BCL2: variants seen among roughly 807,000 people sequenced by gnomAD.
BCL2 encodes BCL2 apoptosis regulator.
Under a neutral mutation model 14.2 loss-of-function variants are expected in BCL2, and 1 was observed. The ratio of observed to expected loss-of-function variants is 0.07; its 90% CI spans 0.02 to 0.33. The LOEUF (loss-of-function observed/expected upper bound fraction) is 0.33, where lower values mean the gene tolerates loss of function less well. BCL2 is among the 10% of genes least tolerant of loss of function. The probability of loss-of-function intolerance (pLI) is 0.99; values close to 1 mark genes in which losing one functional copy is unlikely to be tolerated. For synonymous variants in BCL2, 151 were observed against 137.2 expected (o/e 1.10, Z -0.70); for missense variants, 247 against 305.9 (o/e 0.81, Z 1.44).
chr18:63,300,087 A>C (rs1290315793), intron 2 of BCL2, among the ~76,000 whole-genome samples: 1 of 152,250 alleles, frequency 6.6e-6, no homozygotes, highest in African/African-American at 2.4e-5. Flanking sequence ...GAGGCTGCAA[A>C]GCAGCTCCTC....
chr18:63,250,560 C>T (rs1357028634), intron 2 of BCL2, among the ~76,000 whole-genome samples: 1 of 152,144 alleles, frequency 6.6e-6, no homozygotes, highest in Non-Finnish European at 1.5e-5. Flanking sequence ...TATTCAAAGC[C>T]GTTGGAGTCT....
In BCL2 at chr18:63,149,271, G is replaced by A. The variant is rs1318826760; in HGVS notation, c.586-20512C>T. On this transcript the variant is annotated intron_variant, in intron 2 of 2. Transcript: ENST00000333681. This position sits in a 1 kb window ranked among gnomAD's most constrained non-coding sequence, Gnocchi z 4.2. ...TCATCAGGCATTCGGTTCCCATAAGGAGCACACAACCTAGATCCCTTGTGG... is the reference window on the plus strand; with the variant it reads ...TCATCAGGCATTCGGTTCCCATAAGAAGCACACAACCTAGATCCCTTGTGG... 1.3e-5 allele frequency among the ~76,000 whole-genome samples: 2 copies of A among 152,168 alleles called. No homozygotes were observed. Among genetic ancestry groups the A allele is most frequent in the Non-Finnish European group, 2.9e-5 (2 of 68,030 alleles).
chr18:63,184,851 C>T (rs1915555720), intron 2 of BCL2, among the ~76,000 whole-genome samples: 1 of 152,174 alleles, frequency 6.6e-6, no homozygotes, highest in Non-Finnish European at 1.5e-5. Flanking sequence ...TCTTGAATTT[C>T]TACCCTTCTT....
intron 2 of BCL2, among the ~76,000 whole-genome samples, chr18:63,182,845 T>C (rs908018825): frequency 6.6e-6 from 1 of 152,210 alleles, no homozygotes; most frequent in Non-Finnish European, 1.5e-5. Flanking sequence ...ACCTGGGGTA[T>C]TTGCCTGAAG....
At chr18:63,181,041 A>G (rs1431080567) in intron 2 of BCL2, among the ~76,000 whole-genome samples, 2 of 152,228 alleles carry the variant, frequency 1.3e-5, no homozygotes, top group Admixed American at 1.3e-4. Context: ...ATGCACTCTC[A>G]TGGCTCACGA....
intron 2 of BCL2, among the ~76,000 whole-genome samples, chr18:63,212,029 T>C (rs954284322): frequency 1.3e-5 from 2 of 152,172 alleles, no homozygotes; most frequent in Non-Finnish European, 2.9e-5. Context: ...CATGTGGCCC[T>C]AAAAATACTC....
intron 2 of BCL2, among the ~76,000 whole-genome samples, chr18:63,176,299 C>T (rs1428024459): frequency 1.3e-5 from 2 of 152,228 alleles, no homozygotes; most frequent in Admixed American, 6.5e-5. Context: ...TCCTTTCTGA[C>T]ACTAGAGACC....
At position 63,250,122 on chromosome 18, in the gene BCL2, ACT is replaced by A. The variant is rs549879965; in HGVS notation, c.585+67958_585+67959del. 4.6e-5 allele frequency among the ~76,000 whole-genome samples: 7 copies of A among 152,274 alleles called. No homozygotes were observed. In the East Asian group the frequency reaches 7.7e-4, roughly 17 times the overall value. ...ACATATACTCCTGCTAGTGTATTAT[ACT>A]CTCTCTCGACAAGGAGGCCCTCAAT... On this transcript the variant is annotated intron_variant, in intron 2 of 2. Coordinates refer to ENST00000333681, the MANE Select transcript of BCL2 (RefSeq NM_000633.3).
At chr18:63,313,944 A>G (rs1399914579) in intron 2 of BCL2, 1 of 152,230 alleles carries the variant, frequency 6.6e-6, no homozygotes, top group East Asian at 1.9e-4. Context: ...ATTAGAAAGT[A>G]CAGCTGAAAG....
intron 2 of BCL2, among the ~76,000 whole-genome samples, chr18:63,306,998 C>G (rs1175907293): frequency 6.6e-6 from 1 of 152,140 alleles, no homozygotes; most frequent in Non-Finnish European, 1.5e-5. Flanking sequence ...GCTCTCACTT[C>G]CCACTTCCCC....
At chr18:63,198,485 C>T (rs1909528157) in intron 2 of BCL2, among the ~76,000 whole-genome samples, 1 of 147,672 alleles carries the variant, frequency 6.8e-6, no homozygotes. Context: ...CTGACAGAGA[C>T]ACACACAGAC....
At chr18:63,145,319 T>C (rs1184946372) in intron 2 of BCL2, among the ~76,000 whole-genome samples, 1 of 152,120 alleles carries the variant, frequency 6.6e-6, no homozygotes, top group Admixed American at 6.5e-5. Flanking sequence ...GGACAGAGCA[T>C]AAGCCCTCAA....
chr18:63,254,383 T>TTA (rs1218382855), intron 2 of BCL2, among the ~76,000 whole-genome samples: 1 of 38,414 alleles, frequency 2.6e-5, no homozygotes, highest in East Asian at 9.5e-4. Flanking sequence ...CTGTCTTTGC[T>TTA]AAAAAAAAAA....
In BCL2 at chr18:63,128,358, T is replaced by C. The variant is rs754709154; in HGVS notation, c.*267A>G. The C allele has an allele frequency of 5.9e-6, 2 of 337,548 alleles. No individual in the cohort carries two copies. Among genetic ancestry groups the C allele is most frequent in the Non-Finnish European group, 1.1e-5 (2 of 183,306 alleles). 20.9% of individuals were successfully genotyped at this position (337,548 alleles called of 1,614,324 possible). On this transcript the variant is annotated 3_prime_UTR_variant, in exon 3 of 3. Transcript: ENST00000333681. The stretch of plus-strand genomic sequence containing the variant: ...AAAGACAGGAGTTTTGATGGGACTG[T>C]CTTAAATAAATAAATCTTTTTTTCT...
intron 2 of BCL2, among the ~76,000 whole-genome samples, chr18:63,193,056 C>T (rs138504087): frequency 4.9e-4 from 74 of 152,254 alleles, no homozygotes; most frequent in South Asian, 3.5e-3. Flanking sequence ...CAAAGTCAAC[C>T]GCTGAGTTCT....
chr18:63,183,197 A>G (rs1391213259), intron 2 of BCL2, among the ~76,000 whole-genome samples: 1 of 152,184 alleles, frequency 6.6e-6, no homozygotes, highest in Non-Finnish European at 1.5e-5. Flanking sequence ...GGGTAACAGC[A>G]ACTCATGGAG....
At chr18:63,268,022 T>C (rs576327915) in intron 2 of BCL2, among the ~76,000 whole-genome samples, 71 of 152,374 alleles carry the variant, frequency 4.7e-4, no homozygotes, top group African/African-American at 1.5e-3. Context: ...GATGCCTTTA[T>C]TTTCTCTAAC....
At chr18:63,277,150 G>T (rs974328314) in intron 2 of BCL2, among the ~76,000 whole-genome samples, 3 of 152,052 alleles carry the variant, frequency 2.0e-5, no homozygotes, top group African/African-American at 4.8e-5. Flanking sequence ...GATCCACAGG[G>T]CTCCTTCGTC....
intron 2 of BCL2, among the ~76,000 whole-genome samples, chr18:63,177,547 C>T (rs959926813): frequency 1.3e-5 from 2 of 152,218 alleles, no homozygotes; most frequent in Admixed American, 1.3e-4. Flanking sequence ...ACCACTTATC[C>T]TCCTTGCCTG....
Sources: gnomAD v4.1 joint callset for allele counts (sites outside exome capture counted in the v4.1 genomes callset) on GRCh38, gnomAD v4.1.1 for gene constraint, Gnocchi (gnomAD v3.1) non-coding constraint, MANE v1.5 for transcripts, NCBI Gene and HGNC (gene_info 2026-07-23, HGNC 2026-07-21) for gene names.